ZIM2: variants seen among roughly 807,000 people sequenced by gnomAD.
ZIM2 encodes the protein zinc finger imprinted 2, also known as zinc finger protein 656.
ZIM2 carries 14 observed loss-of-function variants against 38.6 expected under a neutral mutation model. That is an observed-to-expected ratio of 0.36 (90% CI 0.24 to 0.57). The LOEUF (loss-of-function observed/expected upper bound fraction) is 0.57, where lower values mean the gene tolerates loss of function less well. ZIM2 is among the 20% of genes least tolerant of loss of function. ZIM2 has a pLI of 0.81. For synonymous variants in ZIM2, 247 were observed against 245.8 expected, an observed-to-expected ratio of 1.00 and a Z score of -0.04; for missense variants, 680 against 695.1, an observed-to-expected ratio of 0.98 and a Z score of 0.24.
At chr19:56,819,045 G>C (rs1186814981) in intron 7 of ZIM2, among the ~76,000 whole-genome samples, 1 of 152,232 alleles carries the variant, frequency 6.6e-6, no homozygotes, top group African/African-American at 2.4e-5. Context: ...TAGAGGGACA[G>C]TTCAGGGTGG....
In ZIM2 at chr19:56,774,926, G is replaced by T; in HGVS notation, c.1439C>A (p.Thr480Lys). 13 of 1,614,198 alleles carry T rather than the reference G, an allele frequency of 8.1e-6. No individual in the cohort carries two copies. The highest frequency in any genetic ancestry group is 1.1e-5 in the Non-Finnish European group (13 of 1,180,034). ...TTTCCGCTGATAACGAATTAAGTAT[G>T]TCTTGCTGTGGGACAACCCAGGAGG... ...VLPPGLSHSK[T>K]YLIRYQRKHD... Residue 480 changes from threonine (T) to lysine (K), a missense_variant, in exon 13 of 13, where the codon ACA (threonine) becomes AAA (lysine). By Grantham distance (78) the Thr-to-Lys change is moderately conservative. Transcript: ENST00000629319.
chr19:56,825,812 T>G (rs528315247), intron 3 of ZIM2, among the ~76,000 whole-genome samples: 37 of 152,334 alleles, frequency 2.4e-4, no homozygotes, highest in Non-Finnish European at 5.0e-4. Flanking sequence ...TTTAAATTTT[T>G]TAATTTGGAA....
chr19:56,840,042 G>A (rs2062809416), intron 1 of ZIM2, among the ~76,000 whole-genome samples: 2 of 152,250 alleles, frequency 1.3e-5, no homozygotes, highest in African/African-American at 2.4e-5. Flanking sequence ...CGCCCCCAGA[G>A]GGTAGCCGGG....
At chr19:56,831,509 A>G in intron 2 of ZIM2, among the ~76,000 whole-genome samples, 1 of 152,224 alleles carries the variant, frequency 6.6e-6, no homozygotes, top group East Asian at 1.9e-4. Flanking sequence ...AGCCTCCCCT[A>G]AGAAATTAGG....
intron 9 of ZIM2, chr19:56,815,133 A>T (rs2059853766): frequency 6.2e-7 from 1 of 1,613,832 alleles, no homozygotes; most frequent in Admixed American, 1.7e-5. Context: ...AGATTTTGTC[A>T]TCAGGGTCAT....
At position 56,813,836 on chromosome 19, in the gene ZIM2, C is replaced by T. The variant is rs755875175; in HGVS notation, c.490+3910G>A. 5 of 1,614,200 alleles carry T rather than the reference C, an allele frequency of 3.1e-6. No homozygotes were observed. Among genetic ancestry groups the T allele is most frequent in the South Asian group, 1.1e-5 (1 of 91,086 alleles). On this transcript the variant is annotated intron_variant, in intron 9 of 12. Transcript: ENST00000629319. ...CCTGAGCACTCCCCAAAGGCATTTG[C>T]AGGCTCAAATATGATCATGCTGGCA...
intron 1 of ZIM2, among the ~76,000 whole-genome samples, chr19:56,836,739 C>T (rs1247477466): frequency 6.6e-6 from 1 of 152,012 alleles, no homozygotes; most frequent in Non-Finnish European, 1.5e-5. Context: ...GAGGCCAAGG[C>T]GGGCAGATCA....
In ZIM2 at chr19:56,821,708, G is replaced by C; in HGVS notation, c.237C>G (p.Ser79Arg). The C allele has an allele frequency of 6.2e-7, 1 of 1,614,058 alleles. No individual in the cohort carries two copies. Among genetic ancestry groups the C allele is most frequent in the Non-Finnish European group, 8.5e-7 (1 of 1,180,026 alleles). The stretch of plus-strand genomic sequence containing the variant: ...TGTCGTCCTCTCTGTCCATTTCAAA[G>C]CTTGTTTTCGCCACCACAGGAAGGG... Reference protein sequence around the residue: ...DLSLPVVAKTSFEMDREDDRD... With the variant: ...DLSLPVVAKTRFEMDREDDRD... Residue 79 changes from serine (S) to arginine (R), a missense_variant, in exon 7 of 13, where the codon AGC (serine) becomes AGG (arginine). Ser to Arg is a moderately radical substitution (Grantham distance 110). Coordinates refer to ENST00000629319, the MANE Select transcript of ZIM2 (RefSeq NM_001387356.1).
chr19:56,791,701 TC>T (rs2046940390), intron 9 of ZIM2, among the ~76,000 whole-genome samples: 1 of 152,216 alleles, frequency 6.6e-6, no homozygotes, highest in Non-Finnish European at 1.5e-5. Context: ...TATTCATTGT[TC>T]CCTTGCTATA....
At chr19:56,810,362 A>G (rs951181607) in intron 9 of ZIM2, 26 of 985,302 alleles carry the variant, frequency 2.6e-5, no homozygotes, top group Non-Finnish European at 3.0e-5. Context: ...AACCGAAACA[A>G]AATAACCATA....
At chr19:56,815,267 G>C (rs753117828) in intron 9 of ZIM2, 2 of 1,614,112 alleles carry the variant, frequency 1.2e-6, no homozygotes, top group Non-Finnish European at 1.7e-6. Flanking sequence ...TCCTCGCCAT[G>C]AGACTTCTCT....
intron 9 of ZIM2, chr19:56,817,169 C>A: frequency 6.2e-7 from 1 of 1,614,214 alleles, no homozygotes; most frequent in South Asian, 1.1e-5. Context: ...ACGCTCATGG[C>A]TTTTCTCATC....
At chr19:56,808,375 A>G (rs1219800001) in intron 9 of ZIM2, among the ~76,000 whole-genome samples, 3 of 152,142 alleles carry the variant, frequency 2.0e-5, no homozygotes, top group Admixed American at 2.0e-4. Flanking sequence ...TTGCTGCTTC[A>G]TATGGTATAT....
chr19:56,818,674 TCCA>T lies in ZIM2; in HGVS notation c.320_322del (p.Val107del), dbSNP rs2060202779. On this transcript the variant is annotated inframe_deletion, in exon 8 of 13. Coordinates refer to ENST00000629319, the MANE Select transcript of ZIM2 (RefSeq NM_001387356.1). Reference sequence around the variant, plus strand: ...GTGAGGTTTCCTGTCCTCAGCGAGGTCCACCACATTTTGGTATGATTCAGCATC... The same window carrying T: ...GTGAGGTTTCCTGTCCTCAGCGAGGTCCACATTTTGGTATGATTCAGCATC... 1.2e-6 allele frequency: 2 copies of T among 1,614,154 alleles called. No homozygotes were observed. Among genetic ancestry groups the T allele is most frequent in the Non-Finnish European group, 8.5e-7 (1 of 1,180,036 alleles).
chr19:56,822,449 AG>A, intron 6 of ZIM2: 1 of 325,120 alleles, frequency 3.1e-6, no homozygotes, highest in Non-Finnish European at 5.6e-6. Flanking sequence ...ACTTCATACT[AG>A]TTTTCAATTT....
rs146936570 is a variant in ZIM2 at position 56,814,611 on chromosome 19, G to C, written c.490+3135C>G. 3 of 1,613,906 alleles carry C rather than the reference G, an allele frequency of 1.9e-6. No individual in the cohort carries two copies. Among genetic ancestry groups the C allele is most frequent in the Admixed American group, 1.7e-5 (1 of 59,986 alleles). On this transcript the variant is annotated intron_variant, in intron 9 of 12. Transcript: ENST00000629319. The surrounding 1 kb of genome is among the most constrained non-coding windows in gnomAD (Gnocchi z 5.8). ...CTGCACATTCAAAGAGTCTCTCTTC[G>C]GTCTGACTTCTCTGAAACTCAGTGA...
intron 1 of ZIM2, 59 bp from the exon 2 acceptor site, chr19:56,836,163 AG>A (rs1473505172): frequency 9.2e-6 from 4 of 434,614 alleles, no homozygotes; most frequent in South Asian, 6.5e-5. Flanking sequence ...TGGGTTCCTC[AG>A]GGGGGAACAA....
At chr19:56,832,072 AAT>A (rs1359168054) in intron 2 of ZIM2, among the ~76,000 whole-genome samples, 1 of 152,252 alleles carries the variant, frequency 6.6e-6, no homozygotes, top group Non-Finnish European at 1.5e-5. Flanking sequence ...CTATTCATAA[AAT>A]AGAGGAAATC....
intron 6 of ZIM2, 99 bp downstream of exon 6, chr19:56,822,654 G>C (rs2060613281): frequency 6.7e-7 from 1 of 1,498,486 alleles, no homozygotes; most frequent in African/African-American, 1.4e-5. Flanking sequence ...ACTCCAAATG[G>C]AGCAGCAGAA....
Sources: allele counts gnomAD v4.1 joint callset (sites outside exome capture counted in the v4.1 genomes callset), GRCh38; gene constraint gnomAD v4.1.1; non-coding constraint Gnocchi (gnomAD v3.1); transcripts MANE v1.5; gene names NCBI Gene and HGNC (gene_info 2026-07-23, HGNC 2026-07-21).